Variants in ZNF251 observed in about 807,000 individuals in gnomAD.
The protein encoded by ZNF251 is zinc finger protein 251.
ZNF251 carries 14 observed loss-of-function variants against 13.5 expected under a neutral mutation model. The ratio of observed to expected loss-of-function variants is 1.04; its 90% confidence interval spans 0.69 to 1.63. The LOEUF (loss-of-function observed/expected upper bound fraction) is 1.63, where lower values mean the gene tolerates loss of function less well. Ranked by LOEUF, ZNF251 falls within the 40% of genes most tolerant of loss-of-function variation. The pLI is 0.00. For missense variants in ZNF251, 764 were observed against 834.9 expected, an observed-to-expected ratio of 0.92 and a Z score of 1.05; for synonymous variants, 287 against 295.2, an observed-to-expected ratio of 0.97 and a Z score of 0.28.
At chr8:144,738,222 T>G (rs1366968099) in intron 4 of ZNF251, among the ~76,000 whole-genome samples, 1 of 152,166 alleles carries the variant, frequency 6.6e-6, no homozygotes, top group Non-Finnish European at 1.5e-5. Context: ...CCACTCTGCC[T>G]CGTGGAGTCT....
intron 4 of ZNF251, among the ~76,000 whole-genome samples, chr8:144,745,406 T>C (rs932333890): frequency 6.6e-6 from 1 of 152,202 alleles, no homozygotes; most frequent in Non-Finnish European, 1.5e-5. Context: ...TGTGGCTTTA[T>C]AGTAAAAGTA....
chr8:144,732,646 A>C (rs971542864), intron 4 of ZNF251, among the ~76,000 whole-genome samples: 1 of 151,666 alleles, frequency 6.6e-6, no homozygotes, highest in Non-Finnish European at 1.5e-5. Context: ...CCCCGTCTCT[A>C]CTAAAAATAC....
rs1563775241 is a variant in ZNF251 at position 144,755,474 on chromosome 8, CG to C, written c.-146del. 2 of 1,287,470 alleles carry C rather than the reference CG, an allele frequency of 1.6e-6. No individual in the cohort carries two copies. Among genetic ancestry groups the C allele is most frequent in the Non-Finnish European group, 2.0e-6 (2 of 988,716 alleles). The allele number at this position is 1,287,470 out of a possible 1,614,324, so 79.8% of individuals were successfully genotyped here. A position where few individuals can be genotyped will look rare whatever the true frequency, so the allele number is the denominator to read the frequency against. On this transcript the variant is annotated 5_prime_UTR_variant, in exon 1 of 5. Coordinates refer to ENST00000292562, the MANE Select transcript of ZNF251 (RefSeq NM_138367.2). ...CTGCGCAGTCGCACCGAGCCCGGAA[CG>C]GACCCTCCCACAGAACCGGGTCCAG...
At chr8:144,729,544 A>G (rs1368664510) in intron 4 of ZNF251, among the ~76,000 whole-genome samples, 10 of 151,920 alleles carry the variant, frequency 6.6e-5, no homozygotes, top group South Asian at 2.1e-4. Flanking sequence ...CACTGTGTTA[A>G]CCAGGATGGT....
At chr8:144,737,567 A>C (rs184056089) in intron 4 of ZNF251, among the ~76,000 whole-genome samples, 2 of 151,626 alleles carry the variant, frequency 1.3e-5, no homozygotes, top group Non-Finnish European at 2.9e-5. Flanking sequence ...AGTGGCTCAC[A>C]CCTGTAATCC....
chr8:144,739,281 T>A (rs193216685), intron 4 of ZNF251, among the ~76,000 whole-genome samples: 13 of 105,830 alleles, frequency 1.2e-4, no homozygotes, highest in Admixed American at 8.7e-4. Flanking sequence ...CCCGCCAAAC[T>A]AGGATCACAA....
Position 144,722,044 on chromosome 8 carries a change from G to T in ZNF251, c.1616C>A (p.Thr539Asn). 1.9e-6 allele frequency: 3 copies of T among 1,613,186 alleles called. No individual in the cohort carries two copies. In the South Asian group the frequency reaches 3.3e-5, roughly 18 times the overall value. ...AAAGGCTCTGCCGTGCTTCTCTCCA[G>T]TGGGAATCTGTCCATCTGCTGTGAG... Reference protein sequence around the residue: ...SSLTADGQIPTGEKHGRAFNH... With the variant: ...SSLTADGQIPNGEKHGRAFNH... The change falls in exon 5 of 5, where the codon ACT (threonine) becomes AAT (asparagine). Residue 539 changes from threonine to asparagine, a missense_variant. Thr to Asn is a moderately conservative substitution (Grantham distance 65). Transcript: ENST00000292562. This position sits in a 1 kb window ranked among gnomAD's most constrained non-coding sequence, Gnocchi z 4.8.
chr8:144,727,666 G>A (rs1823556956), intron 4 of ZNF251, among the ~76,000 whole-genome samples: 1 of 152,224 alleles, frequency 6.6e-6, no homozygotes, highest in Non-Finnish European at 1.5e-5. Context: ...TTTGGCTTAA[G>A]GGAATGTGTC....
rs1823373196 is a variant in ZNF251 at position 144,721,616 on chromosome 8, T to C, written c.*28A>G. 7.6e-7 allele frequency: 1 copy of C among 1,323,780 alleles called. No homozygotes were observed. Among genetic ancestry groups the C allele is most frequent in the Admixed American group, 2.9e-5 (1 of 34,738 alleles). 82.0% of individuals were successfully genotyped at this position (1,323,780 alleles called of 1,614,324 possible). A position where few individuals can be genotyped will look rare whatever the true frequency, so the allele number is the denominator to read the frequency against. ...TATCTTCTAATGTCAAGTGAACAGT[T>C]GCTAAACTGTCTTCTGCATTTATCA... On this transcript the variant is annotated 3_prime_UTR_variant, in exon 5 of 5. Coordinates refer to ENST00000292562, the MANE Select transcript of ZNF251 (RefSeq NM_138367.2).
At chr8:144,729,858 C>A (rs1201170001) in intron 4 of ZNF251, among the ~76,000 whole-genome samples, 2 of 152,128 alleles carry the variant, frequency 1.3e-5, no homozygotes, top group Non-Finnish European at 2.9e-5. Context: ...GAGACCCTGT[C>A]TCTGAAGAAC....
chr8:144,723,377 C>T lies in ZNF251; in HGVS notation c.283G>A (p.Glu95Lys). ...DILKSCQKDS[E>K]VGTKKELSIL... ...GATAGTTCCTTCTTGGTCCCAACCT[C>T]AGAATCTGTTAAAGAAAAATATAAA... Residue 95 changes from glutamate (E) to lysine (K), a missense_variant, in exon 5 of 5, where the codon GAG becomes AAG. Glu to Lys is a moderately conservative substitution (Grantham distance 56). Transcript: ENST00000292562. 1 of 1,470,780 alleles carries T rather than the reference C, an allele frequency of 6.8e-7. No individual in the cohort carries two copies. The highest frequency in any genetic ancestry group is 9.0e-7 in the Non-Finnish European group (1 of 1,113,730). 91.1% of individuals were successfully genotyped at this position (1,470,780 alleles called of 1,614,324 possible). A position where few individuals can be genotyped will look rare whatever the true frequency, so the allele number is the denominator to read the frequency against.
Position 144,753,792 on chromosome 8 carries a change from G to A in ZNF251, c.168C>T (p.Phe56=). The change falls in exon 4 of 5, where the codon TTC becomes TTT. Residue 56 remains phenylalanine, a synonymous_variant. Coordinates refer to ENST00000292562, the MANE Select transcript of ZNF251 (RefSeq NM_138367.2). ...AGATCAACTCCGGCTTAGGGACAGG[G>A]AATCCTGTTGAGGATGAGGACACTG... ...ENYGNVASLG[F]PVPKPELISQ... The A allele has an allele frequency of 1.3e-6, 2 of 1,569,740 alleles. No homozygotes were observed. Among genetic ancestry groups the A allele is most frequent in the Non-Finnish European group, 1.7e-6 (2 of 1,156,530 alleles).
chr8:144,744,720 C>A (rs573725546), intron 4 of ZNF251, among the ~76,000 whole-genome samples: 6 of 152,198 alleles, frequency 3.9e-5, no homozygotes, highest in African/African-American at 1.4e-4. Flanking sequence ...CAGAAACTAA[C>A]CATGCTAACA....
chr8:144,751,931 T>C (rs1480133708), intron 4 of ZNF251, among the ~76,000 whole-genome samples: 1 of 152,068 alleles, frequency 6.6e-6, no homozygotes, highest in Non-Finnish European at 1.5e-5. Context: ...ATAAAATATA[T>C]TTCAAAACAA....
chr8:144,753,799 G>A lies in ZNF251; in HGVS notation c.164-3C>T, dbSNP rs1824818434. The A allele has an allele frequency of 6.4e-7, 1 of 1,565,010 alleles. No individual in the cohort carries two copies. Among genetic ancestry groups the A allele is most frequent in the Admixed American group, 1.9e-5 (1 of 53,068 alleles). Reference sequence around the variant, plus strand: ...CTCCGGCTTAGGGACAGGGAATCCTGTTGAGGATGAGGACACTGGTGAGCT... The same window carrying A: ...CTCCGGCTTAGGGACAGGGAATCCTATTGAGGATGAGGACACTGGTGAGCT... On this transcript the variant is annotated splice_polypyrimidine_tract_variant and splice_region_variant and intron_variant, in intron 3 of 4. Transcript: ENST00000292562.
At chr8:144,733,217 T>TCAAAA (rs1306655146) in intron 4 of ZNF251, among the ~76,000 whole-genome samples, 1 of 152,024 alleles carries the variant, frequency 6.6e-6, no homozygotes, top group African/African-American at 2.4e-5. Flanking sequence ...AGACTCCGTC[T>TCAAAA]CAAAACAAAA....
intron 4 of ZNF251, among the ~76,000 whole-genome samples, chr8:144,750,007 C>G (rs1480785432): frequency 5.3e-5 from 8 of 151,662 alleles, no homozygotes; most frequent in Non-Finnish European, 7.4e-5. Context: ...GCCACCACAT[C>G]CAGCTTCTTA....
At chr8:144,754,086 G>A (rs1163145667) in intron 3 of ZNF251, 106 bp downstream of exon 3, 3 of 1,445,512 alleles carry the variant, frequency 2.1e-6, no homozygotes, top group African/African-American at 1.4e-5. Context: ...TGATACCCGG[G>A]GACAAGGGGC....
Position 144,730,124 on chromosome 8 carries a change from A to G in ZNF251, c.278-6742T>C, listed in dbSNP as rs1823650317. On this transcript the variant is annotated intron_variant, in intron 4 of 4. Coordinates refer to ENST00000292562, the MANE Select transcript of ZNF251 (RefSeq NM_138367.2). The stretch of plus-strand genomic sequence containing the variant: ...CACCAGAGTCGGCTGAAAAGTGCCA[A>G]AAGAGAACTCAGGAACCAAACAGGG... 1.1e-5 allele frequency: 11 copies of G among 985,278 alleles called. 3 individuals carry two copies. The South Asian group carries it at 4.7e-4, about 42-fold the overall frequency. 61.0% of individuals were successfully genotyped at this position (985,278 alleles called of 1,614,324 possible). A position where few individuals can be genotyped will look rare whatever the true frequency, so the allele number is the denominator to read the frequency against.
Sources: allele counts gnomAD v4.1 joint callset (sites outside exome capture counted in the v4.1 genomes callset), GRCh38; gene constraint gnomAD v4.1.1; non-coding constraint Gnocchi (gnomAD v3.1); transcripts MANE v1.5; gene names NCBI Gene and HGNC (gene_info 2026-07-23, HGNC 2026-07-21).